Variants in VWA8 observed in about 807,000 individuals in gnomAD.
VWA8 encodes von Willebrand factor A domain containing 8, also known as von Willebrand factor A domain-containing protein 8.
Under a neutral mutation model 241.5 loss-of-function variants are expected in VWA8, and 221 were observed. The ratio of observed to expected loss-of-function variants is 0.91; its 90% CI spans 0.82 to 1.02. The LOEUF (loss-of-function observed/expected upper bound fraction) is 1.02, where lower values mean the gene tolerates loss of function less well. Ranked by LOEUF, VWA8 falls within the 50% of genes least tolerant of loss-of-function variation. The pLI is 0.00. For missense variants in VWA8, 2,322 were observed against 2,328.7 expected, an observed-to-expected ratio of 1.00 and a Z score of 0.06; for synonymous variants, 852 against 827.1, an observed-to-expected ratio of 1.03 and a Z score of -0.52.
chr13:41,603,671 G>A (rs1375192593), intron 40 of VWA8, among the ~76,000 whole-genome samples: 12 of 152,168 alleles, frequency 7.9e-5, no homozygotes, highest in African/African-American at 2.9e-4. Context: ...GACTCTGGCA[G>A]CCTCTTCTCT....
intron 9 of VWA8, among the ~76,000 whole-genome samples, chr13:41,882,468 G>A (rs1279361031): frequency 1.3e-5 from 2 of 152,150 alleles, no homozygotes; most frequent in Non-Finnish European, 1.5e-5. Flanking sequence ...GGAGGTGGAG[G>A]TTGTAGCGAG....
intron 43 of VWA8, among the ~76,000 whole-genome samples, chr13:41,573,482 A>ATATAT (rs1391223657): frequency 8.7e-6 from 1 of 114,630 alleles, no homozygotes; most frequent in African/African-American, 3.9e-5. Context: ...TTTAAAAAAA[A>ATATAT]AAAAATATAT....
intron 40 of VWA8, among the ~76,000 whole-genome samples, chr13:41,596,489 T>C (rs2044488770): frequency 6.6e-6 from 1 of 152,104 alleles, no homozygotes; most frequent in African/African-American, 2.4e-5. Flanking sequence ...TTTAAATATA[T>C]GCTTTTGTTT....
chr13:41,941,981 A>G (rs533945594), intron 2 of VWA8, among the ~76,000 whole-genome samples: 2 of 152,296 alleles, frequency 1.3e-5, no homozygotes, highest in South Asian at 4.1e-4. Flanking sequence ...AAGATTGGAT[A>G]TTATCCCTTG....
chr13:41,610,572 T>C (rs537057239), intron 39 of VWA8, among the ~76,000 whole-genome samples: 1 of 152,332 alleles, frequency 6.6e-6, no homozygotes, highest in South Asian at 2.1e-4. Context: ...TATTGTCCTG[T>C]ACTGTTTACT....
chr13:41,726,096 C>T (rs1378454616), intron 24 of VWA8, among the ~76,000 whole-genome samples: 1 of 152,046 alleles, frequency 6.6e-6, no homozygotes, highest in Admixed American at 6.6e-5. Flanking sequence ...ACTTTACTTA[C>T]TTATTGTTTC....
chr13:41,881,691 C>T (rs76358085), intron 9 of VWA8, among the ~76,000 whole-genome samples: 1,473 of 6,968 alleles, frequency 0.21, 4 homozygotes, highest in East Asian at 0.22. Flanking sequence ...CAGAGGCGCC[C>T]CTCACCTCCC....
chr13:41,855,347 A>AAT (rs972455957), intron 12 of VWA8, among the ~76,000 whole-genome samples: 1 of 145,330 alleles, frequency 6.9e-6, no homozygotes, highest in South Asian at 2.1e-4. Flanking sequence ...ATAATATATA[A>AAT]ATATATATTA....
chr13:41,578,243 T>C (rs923017882), intron 42 of VWA8, among the ~76,000 whole-genome samples: 2 of 152,190 alleles, frequency 1.3e-5, no homozygotes, highest in African/African-American at 4.8e-5. Context: ...TGGTGAGTAC[T>C]GCAAAGGCTT....
intron 35 of VWA8, among the ~76,000 whole-genome samples, chr13:41,680,283 A>T (rs1032436610): frequency 6.6e-6 from 1 of 152,248 alleles, no homozygotes; most frequent in South Asian, 2.1e-4. Context: ...GTTCATATAT[A>T]TTGGGTTTAT....
intron 2 of VWA8, among the ~76,000 whole-genome samples, chr13:41,938,713 T>C (rs1877464305): frequency 6.6e-6 from 1 of 152,016 alleles, no homozygotes; most frequent in Non-Finnish European, 1.5e-5. Flanking sequence ...GAGAGGCAAT[T>C]AATCCAACTA....
In VWA8 at chr13:41,646,872, G is replaced by A. The variant is rs2044835729; in HGVS notation, c.4611+24074C>T. Among the ~76,000 whole-genome samples, 3 of 152,196 alleles carry A rather than the reference G, an allele frequency of 2.0e-5. No individual in the cohort carries two copies. In the South Asian group the frequency reaches 6.2e-4, roughly 31 times the overall value. On this transcript the variant is annotated intron_variant, in intron 37 of 44. Transcript: ENST00000379310. Reference sequence around the variant, plus strand: ...CAGACAATCCTGAACATGATCTGCAGACTCAATGCTTGCCCTAGTGGCTCA... The same window carrying A: ...CAGACAATCCTGAACATGATCTGCAAACTCAATGCTTGCCCTAGTGGCTCA...
At chr13:41,754,462 G>A (rs2045679561) in intron 21 of VWA8, among the ~76,000 whole-genome samples, 1 of 152,040 alleles carries the variant, frequency 6.6e-6, no homozygotes, top group African/African-American at 2.4e-5. Context: ...CATGAAAACA[G>A]ACTAATACAG....
intron 26 of VWA8, among the ~76,000 whole-genome samples, chr13:41,715,778 A>G (rs1370281113): frequency 6.6e-6 from 1 of 152,082 alleles, no homozygotes; most frequent in East Asian, 1.9e-4. Context: ...AAATCCTCCT[A>G]TCTCTCCCTA....
intron 24 of VWA8, 104 bp downstream of exon 24, chr13:41,727,090 T>C (rs1156884543): frequency 1.2e-5 from 10 of 861,318 alleles, no homozygotes; most frequent in African/African-American, 5.4e-5. Context: ...GTGATTATGA[T>C]GGTGGCACAG....
chr13:41,669,832 G>A (rs1433116462), intron 37 of VWA8, among the ~76,000 whole-genome samples: 1 of 152,104 alleles, frequency 6.6e-6, no homozygotes, highest in Non-Finnish European at 1.5e-5. Context: ...GTTATGAGTA[G>A]TAACCAACAT....
intron 42 of VWA8, among the ~76,000 whole-genome samples, chr13:41,580,457 G>T (rs2044375619): frequency 6.6e-6 from 1 of 152,198 alleles, no homozygotes; most frequent in African/African-American, 2.4e-5. Context: ...CTTCTTGATA[G>T]AAGAAATTTC....
At chr13:41,603,086 A>AG (rs1420353935) in intron 40 of VWA8, among the ~76,000 whole-genome samples, 1 of 152,174 alleles carries the variant, frequency 6.6e-6, no homozygotes, top group African/African-American at 2.4e-5. Context: ...CTCATTGAGG[A>AG]TATTTAGTAA....
At chr13:41,826,646 G>A (rs1220371234) in intron 14 of VWA8, among the ~76,000 whole-genome samples, 1 of 152,118 alleles carries the variant, frequency 6.6e-6, no homozygotes, top group African/African-American at 2.4e-5. Context: ...AAGGCAGGAG[G>A]ATCCCTTGAG....
Sources: allele counts gnomAD v4.1 joint callset (sites outside exome capture counted in the v4.1 genomes callset), GRCh38; gene constraint gnomAD v4.1.1; transcripts MANE v1.5; gene names NCBI Gene and HGNC (gene_info 2026-07-23, HGNC 2026-07-21).